Variants in GAB4 observed in about 807,000 individuals in gnomAD.
The protein encoded by GAB4 is GRB2-associated-binding protein 4.
GAB4 carries 26 observed loss-of-function variants against 51.3 expected under a neutral mutation model. The ratio of observed to expected loss-of-function variants is 0.51; its 90% CI spans 0.37 to 0.70. GAB4 has a LOEUF of 0.70. Among genes scored for constraint, GAB4 ranks in the 30% least tolerant of loss-of-function variants. GAB4 has a pLI of 0.00. For missense variants in GAB4, 759 were observed against 734.6 expected, an observed-to-expected ratio of 1.03 and a Z score of -0.38; for synonymous variants, 329 against 291.2, an observed-to-expected ratio of 1.13 and a Z score of -1.32.
intron 3 of GAB4, among the ~76,000 whole-genome samples, chr22:16,977,894 T>G (rs1281498953): frequency 6.6e-6 from 1 of 152,206 alleles, no homozygotes; most frequent in Admixed American, 6.5e-5. Flanking sequence ...AATGCACAAC[T>G]ACATGGAAAC....
chr22:17,004,441 C>T (rs1345545010), intron 1 of GAB4, among the ~76,000 whole-genome samples: 1 of 152,164 alleles, frequency 6.6e-6, no homozygotes, highest in African/African-American at 2.4e-5. Context: ...AAAATACTGG[C>T]AAACCGAACC....
chr22:16,976,537 G>A (rs888992729), intron 3 of GAB4, among the ~76,000 whole-genome samples: 47 of 152,164 alleles, frequency 3.1e-4, no homozygotes, highest in African/African-American at 8.9e-4. Flanking sequence ...ACCAAGCTAC[G>A]TTTGATTGGT....
chr22:16,978,408 A>G (rs538430837), intron 3 of GAB4, among the ~76,000 whole-genome samples: 32 of 152,330 alleles, frequency 2.1e-4, no homozygotes, highest in African/African-American at 7.2e-4. Flanking sequence ...AAACACCTCT[A>G]TGCAAATAAA....
rs762878825 is a variant in GAB4 at position 16,991,940 on chromosome 22, C to T, written c.411G>A (p.Arg137=). 11 of 1,614,040 alleles carry T rather than the reference C, an allele frequency of 6.8e-6. No homozygotes were observed. Among genetic ancestry groups the T allele is most frequent in the Non-Finnish European group, 9.3e-6 (11 of 1,179,998 alleles). The change falls in exon 2 of 10, where the codon AGG becomes AGA. Residue 137 remains arginine (R), a synonymous_variant. Transcript: ENST00000400588. Reference sequence around the variant, plus strand: ...TCTGGACCCACTCATTCATGTCCTCCCTGGTCTCAGCCACCAGGTAAAAGG... The same window carrying T: ...TCTGGACCCACTCATTCATGTCCTCTCTGGTCTCAGCCACCAGGTAAAAGG... ...ERTFYLVAET[R]EDMNEWVQSI...
At chr22:17,006,742 A>G (rs1353195589) in intron 1 of GAB4, among the ~76,000 whole-genome samples, 1 of 152,242 alleles carries the variant, frequency 6.6e-6, no homozygotes, top group Non-Finnish European at 1.5e-5. Context: ...CATTCTCAGC[A>G]AACTTACACT....
chr22:16,970,193 C>G lies in GAB4; in HGVS notation c.687G>C (p.Arg229Ser). Reference protein sequence around the residue: ...QHASQRAEHARSASFSQGSEA... With the variant: ...QHASQRAEHASSASFSQGSEA... Reference sequence around the variant, plus strand: ...CAGAACCCTGGGAGAAGCTGGCACTCCTAAGAGAGAGAAAGAAGGGAAGGG... The same window carrying G: ...CAGAACCCTGGGAGAAGCTGGCACTGCTAAGAGAGAGAAAGAAGGGAAGGG... The change falls in exon 4 of 10, where the codon AGG becomes AGC. Residue 229 changes from arginine (R) to serine (S), a missense_variant and splice_region_variant. By Grantham distance (110) the Arg-to-Ser change is moderately radical. Transcript: ENST00000400588. 6.2e-7 allele frequency: 1 copy of G among 1,613,648 alleles called. No homozygotes were observed. Among genetic ancestry groups the G allele is most frequent in the Non-Finnish European group, 8.5e-7 (1 of 1,179,762 alleles).
At chr22:16,975,215 C>T (rs1385329470) in intron 3 of GAB4, among the ~76,000 whole-genome samples, 1 of 152,146 alleles carries the variant, frequency 6.6e-6, no homozygotes, top group Non-Finnish European at 1.5e-5. Context: ...GTTTTTAGCT[C>T]AGGGGATCCC....
chr22:16,977,440 T>C (rs1052899568), intron 3 of GAB4, among the ~76,000 whole-genome samples: 1 of 151,672 alleles, frequency 6.6e-6, no homozygotes, highest in Admixed American at 6.6e-5. Flanking sequence ...GGGCTTTACA[T>C]AATGGTAAAG....
intron 1 of GAB4, among the ~76,000 whole-genome samples, chr22:17,003,601 A>G (rs1197566300): frequency 6.6e-6 from 1 of 152,236 alleles, no homozygotes; most frequent in Non-Finnish European, 1.5e-5. Context: ...AACAAAATCA[A>G]GGAAGAAATA....
intron 3 of GAB4, among the ~76,000 whole-genome samples, chr22:16,974,553 G>A (rs2060760572): frequency 1.3e-5 from 2 of 152,168 alleles, no homozygotes; most frequent in African/African-American, 2.4e-5. Flanking sequence ...GGTGGCATGT[G>A]GGGCTGTCAC....
intron 1 of GAB4, among the ~76,000 whole-genome samples, chr22:16,993,970 C>A (rs990286191): frequency 1.3e-5 from 2 of 152,148 alleles, no homozygotes; most frequent in African/African-American, 4.8e-5. Flanking sequence ...CATTTGTGAA[C>A]ACCCTCTCGC....
intron 3 of GAB4, among the ~76,000 whole-genome samples, chr22:16,974,842 C>A (rs1013933372): frequency 6.6e-6 from 1 of 152,088 alleles, no homozygotes; most frequent in Admixed American, 6.5e-5. Context: ...GGTTAGACAG[C>A]GGGTGCAGCC....
chr22:17,007,817 G>C, intron 1 of GAB4, 124 bp downstream of exon 1: 1 of 865,718 alleles, frequency 1.2e-6, no homozygotes, highest in Non-Finnish European at 1.8e-6. Flanking sequence ...TTCGCATGCA[G>C]ACGTGGAGAA....
At chr22:16,992,257 G>T in intron 1 of GAB4, 81 bp from the exon 2 acceptor site, 1 of 1,282,674 alleles carries the variant, frequency 7.8e-7, no homozygotes, top group South Asian at 1.4e-5. Context: ...ACTAAGTTAA[G>T]GATGGGACTC....
chr22:17,004,099 T>A lies in GAB4; in HGVS notation c.174+3842A>T, dbSNP rs1383263057. On this transcript the variant is annotated intron_variant, in intron 1 of 9. Coordinates refer to ENST00000400588, the MANE Select transcript of GAB4 (RefSeq NM_001037814.1). ...AGAAATGGATAAATTCCTGGACACA[T>A]ACACCCTCCCAAGACTAAACCAGGA... 4.6e-5 allele frequency among the ~76,000 whole-genome samples: 7 copies of A among 152,138 alleles called. No individual in the cohort carries two copies. In the South Asian group the frequency reaches 1.4e-3, roughly 31 times the overall value.
chr22:17,008,211 G>C lies in GAB4; in HGVS notation c.-97C>G, dbSNP rs1328206745. On this transcript the variant is annotated 5_prime_UTR_variant, in exon 1 of 10. Coordinates refer to ENST00000400588, the MANE Select transcript of GAB4 (RefSeq NM_001037814.1). The stretch of plus-strand genomic sequence containing the variant: ...ACGGCTTGCGATACCCTGGGACTGC[G>C]GGGTAGAAAGCGCAGTTCTAGGGGA... 2 of 862,478 alleles carry C rather than the reference G, an allele frequency of 2.3e-6. No individual in the cohort carries two copies. The highest frequency in any genetic ancestry group is 1.6e-5 in the South Asian group (1 of 62,066). The allele number at this position is 862,478 out of a possible 1,614,324, so 53.4% of individuals were successfully genotyped here.
At position 16,963,971 on chromosome 22, in the gene GAB4, C is replaced by T. The variant is rs1415380867; in HGVS notation, c.1477-142G>A. ...CTGGGGCACTCTCTGCTCATTCAAA[C>T]CCTTTCAGCAGTCCTGTGAGCCAGG... is the stretch of plus-strand genomic sequence containing the variant. On this transcript the variant is annotated intron_variant, in intron 8 of 9. Coordinates refer to ENST00000400588, the MANE Select transcript of GAB4 (RefSeq NM_001037814.1). 4.6e-6 allele frequency: 3 copies of T among 647,652 alleles called. No individual in the cohort carries two copies. In the African/African-American group the frequency reaches 5.4e-5, roughly 12 times the overall value. 40.1% of individuals were successfully genotyped at this position (647,652 alleles called of 1,614,324 possible). A position where few individuals can be genotyped will look rare whatever the true frequency, so the allele number is the denominator to read the frequency against.
intron 3 of GAB4, among the ~76,000 whole-genome samples, chr22:16,974,382 G>A (rs2123666446): frequency 6.6e-6 from 1 of 152,350 alleles, no homozygotes; most frequent in Admixed American, 6.5e-5. Flanking sequence ...CATAGCAGAT[G>A]AGGAAGGCAG....
At chr22:16,998,779 G>A (rs190071308) in intron 1 of GAB4, among the ~76,000 whole-genome samples, 105 of 152,142 alleles carry the variant, frequency 6.9e-4, no homozygotes, top group African/African-American at 2.1e-3. Flanking sequence ...ATTGGCTGTC[G>A]GTTTGTCATA....
Sources: allele counts gnomAD v4.1 joint callset (sites outside exome capture counted in the v4.1 genomes callset), GRCh38; gene constraint gnomAD v4.1.1; transcripts MANE v1.5; gene names NCBI Gene and HGNC (gene_info 2026-07-23, HGNC 2026-07-21).